The following CUX2 variants were observed in gnomAD, a reference collection of about 807,000 sequenced individuals.
CUX2 encodes homeobox protein cut-like 2.
A neutral mutation model predicts 144.8 loss-of-function variants in CUX2; 40 were observed. The observed-to-expected ratio is 0.28, with a 90% CI of 0.21 to 0.36. CUX2 has a LOEUF of 0.36. Ranked by LOEUF, CUX2 falls within the 10% of genes least tolerant of loss-of-function variation. CUX2 has a pLI of 1.00. For synonymous variants in CUX2, 827 were observed against 875.6 expected (o/e 0.94, Z 0.98); for missense variants, 1,615 against 1,994.0 (o/e 0.81, Z 3.62).
At chr12:111,206,359 A>G (rs1330656316) in intron 1 of CUX2, among the ~76,000 whole-genome samples, 1 of 152,246 alleles carries the variant, frequency 6.6e-6, no homozygotes, top group African/African-American at 2.4e-5. Context: ...GGCTTTTGCA[A>G]CATTCCCATT....
chr12:111,098,126 G>A (rs577422294), intron 1 of CUX2, among the ~76,000 whole-genome samples: 24 of 152,232 alleles, frequency 1.6e-4, no homozygotes, highest in African/African-American at 5.3e-4. Flanking sequence ...GGAGCTGGGC[G>A]CTGTGGCTTT....
chr12:111,227,796 C>T (rs1882234730), intron 3 of CUX2, among the ~76,000 whole-genome samples: 1 of 152,186 alleles, frequency 6.6e-6, no homozygotes, highest in Non-Finnish European at 1.5e-5. Context: ...CTAGAGCACA[C>T]CCCTGCCTCC....
chr12:111,170,022 AC>A (rs1296443544), intron 1 of CUX2, among the ~76,000 whole-genome samples: 2 of 152,214 alleles, frequency 1.3e-5, no homozygotes, highest in Non-Finnish European at 2.9e-5. Context: ...CATGCAAGGT[AC>A]TAGGGGGAAG....
intron 1 of CUX2, among the ~76,000 whole-genome samples, chr12:111,084,865 C>T (rs1872114690): frequency 6.6e-6 from 1 of 152,096 alleles, no homozygotes; most frequent in Non-Finnish European, 1.5e-5. Context: ...TCTGGAGAGG[C>T]TGCTGCGGGG....
At chr12:111,074,750 C>T (rs920439901) in intron 1 of CUX2, among the ~76,000 whole-genome samples, 27 of 152,034 alleles carry the variant, frequency 1.8e-4, no homozygotes, top group African/African-American at 6.3e-4. Context: ...AAACAGGCAG[C>T]GGGTAAACAG....
In CUX2 at chr12:111,307,930, G is replaced by A. The variant is rs180976757; in HGVS notation, c.1110-355G>A. Among the ~76,000 whole-genome samples the A allele has an allele frequency of 1.4e-4, 21 of 152,264 alleles. No individual in the cohort carries two copies. In the South Asian group the frequency reaches 2.1e-3, roughly 15 times the overall value. ...CCTGGGAGGCAGAGATCGTGCCACT[G>A]CACTCCAGCCTGGGTGACAGAGTGA... On this transcript the variant is annotated intron_variant, in intron 12 of 21. Coordinates refer to ENST00000261726, the MANE Select transcript of CUX2 (RefSeq NM_015267.4). This position sits in a 1 kb window ranked among gnomAD's most constrained non-coding sequence, Gnocchi z 4.1.
chr12:111,046,748 C>A (rs888540086), intron 1 of CUX2, among the ~76,000 whole-genome samples: 1 of 152,174 alleles, frequency 6.6e-6, no homozygotes, highest in Non-Finnish European at 1.5e-5. Context: ...CCTCTGCCTC[C>A]CAGGTTCAAG....
At chr12:111,157,826 A>C (rs1877495893) in intron 1 of CUX2, among the ~76,000 whole-genome samples, 1 of 152,242 alleles carries the variant, frequency 6.6e-6, no homozygotes, top group African/African-American at 2.4e-5. Flanking sequence ...GTATAGCTTT[A>C]GCAACAGCTA....
chr12:111,213,978 T>C (rs546086783), intron 1 of CUX2, among the ~76,000 whole-genome samples: 5 of 152,114 alleles, frequency 3.3e-5, no homozygotes, highest in Admixed American at 3.3e-4. Flanking sequence ...TGGCCTGACT[T>C]CCGACGAGCA....
At position 111,289,767 on chromosome 12, in the gene CUX2, A is replaced by G. The variant is rs921358456; in HGVS notation, c.302-1651A>G. 6.6e-6 allele frequency among the ~76,000 whole-genome samples: 1 copy of G among 150,554 alleles called. No individual in the cohort carries two copies. The highest frequency in any genetic ancestry group is 2.5e-5 in the African/African-American group (1 of 40,814). On this transcript the variant is annotated intron_variant, in intron 4 of 21. Transcript: ENST00000261726. This position sits in a 1 kb window ranked among gnomAD's most constrained non-coding sequence, Gnocchi z 4.1. The stretch of plus-strand genomic sequence containing the variant: ...TCCTTAACCAACAACGTGTGTCACA[A>G]ATGATGGTGTCACCAGGTCCACCGA...
intron 1 of CUX2, among the ~76,000 whole-genome samples, chr12:111,047,263 G>C (rs1870043244): frequency 1.3e-5 from 2 of 152,190 alleles, no homozygotes; most frequent in Admixed American, 1.3e-4. Context: ...GATTTATTTA[G>C]TCAATATGGC....
At chr12:111,284,353 T>C (rs551960977) in intron 4 of CUX2, among the ~76,000 whole-genome samples, 1 of 152,220 alleles carries the variant, frequency 6.6e-6, no homozygotes, top group East Asian at 1.9e-4. Context: ...CGACTTGTGC[T>C]CCTGGTCTAA....
chr12:111,121,378 T>TTTTC (rs1874670194), intron 1 of CUX2, among the ~76,000 whole-genome samples: 4 of 127,920 alleles, frequency 3.1e-5, no homozygotes, highest in African/African-American at 9.7e-5. Flanking sequence ...TCTTTTTTTT[T>TTTTC]TTTTTTTTTT....
intron 3 of CUX2, among the ~76,000 whole-genome samples, chr12:111,237,629 G>A (rs748551222): frequency 1.3e-5 from 2 of 152,090 alleles, no homozygotes; most frequent in African/African-American, 2.4e-5. Context: ...CACATGGCAC[G>A]CCTCCCTGTT....
At chr12:111,345,639 G>A (rs1295360285) in intron 21 of CUX2, among the ~76,000 whole-genome samples, 1 of 151,634 alleles carries the variant, frequency 6.6e-6, no homozygotes, top group Non-Finnish European at 1.5e-5. Flanking sequence ...CTACTCGGGA[G>A]GCTGAGGCAG....
At chr12:111,143,223 C>T (rs528317850) in intron 1 of CUX2, among the ~76,000 whole-genome samples, 1 of 152,292 alleles carries the variant, frequency 6.6e-6, no homozygotes, top group Non-Finnish European at 1.5e-5. Flanking sequence ...CAAATCCCTT[C>T]CAGCTTCCAA....
intron 1 of CUX2, among the ~76,000 whole-genome samples, chr12:111,206,638 G>A (rs1258632903): frequency 1.3e-5 from 2 of 152,224 alleles, no homozygotes; most frequent in Non-Finnish European, 2.9e-5. Flanking sequence ...ACCTAGCACT[G>A]TGCCTGACAC....
intron 3 of CUX2, among the ~76,000 whole-genome samples, chr12:111,230,343 T>C (rs1882405127): frequency 6.6e-6 from 1 of 152,106 alleles, no homozygotes; most frequent in African/African-American, 2.4e-5. Flanking sequence ...AGCGGTGTCT[T>C]TCTCTAGAAT....
At chr12:111,055,387 G>A (rs926882413) in intron 1 of CUX2, among the ~76,000 whole-genome samples, 1 of 152,240 alleles carries the variant, frequency 6.6e-6, no homozygotes, top group East Asian at 1.9e-4. Context: ...GGGACCCTCG[G>A]GCCAGCAGCC....
Sources: allele counts gnomAD v4.1 joint callset (sites outside exome capture counted in the v4.1 genomes callset), GRCh38; gene constraint gnomAD v4.1.1; non-coding constraint Gnocchi (gnomAD v3.1); transcripts MANE v1.5; gene names NCBI Gene and HGNC (gene_info 2026-07-23, HGNC 2026-07-21).